Variants in MYO1H observed in about 807,000 individuals in gnomAD.
The protein encoded by MYO1H is myosin IH.
In MYO1H, 118 loss-of-function variants were observed where a neutral mutation model predicts 149.3. That is an observed-to-expected ratio of 0.79 (90% CI 0.68 to 0.92). The LOEUF (loss-of-function observed/expected upper bound fraction) is 0.92, where lower values mean the gene tolerates loss of function less well. MYO1H is among the 40% of genes least tolerant of loss of function. The pLI is 0.00. For missense variants in MYO1H, 1,212 were observed against 1,280.7 expected (o/e 0.95, Z 0.82); for synonymous variants, 447 against 465.2 (o/e 0.96, Z 0.50).
the MYO1H span, among the ~76,000 whole-genome samples, chr12:109,330,066 T>C: frequency 6.6e-6 from 1 of 152,196 alleles, no homozygotes; most frequent in Non-Finnish European, 1.5e-5. Context: ...GCAAAACTGG[T>C]GAAATCTCAA....
the MYO1H span, among the ~76,000 whole-genome samples, chr12:109,336,092 T>G: frequency 3.3e-5 from 5 of 151,096 alleles, no homozygotes; most frequent in African/African-American, 1.2e-4. Flanking sequence ...GCAATCCCAA[T>G]CCTCTTAATT....
chr12:109,320,046 G>GT, the MYO1H span, among the ~76,000 whole-genome samples: 5,385 of 152,266 alleles, frequency 0.035, 318 homozygotes, highest in African/African-American at 0.12. Context: ...AGGCATAGTG[G>GT]TTTATGCCTG....
chr12:109,324,207 A>G, the MYO1H span, among the ~76,000 whole-genome samples: 1 of 152,172 alleles, frequency 6.6e-6, no homozygotes, highest in East Asian at 1.9e-4. Context: ...CAGAATGCCT[A>G]CAGGTGGCCT....
chr12:109,310,982 A>G, the MYO1H span, among the ~76,000 whole-genome samples: 232 of 152,348 alleles, frequency 1.5e-3, no homozygotes, highest in African/African-American at 5.5e-3. Flanking sequence ...AATGACATAT[A>G]ATTAATTCAC....
chr12:109,407,910 C>A (rs758254814), exon 10 of MYO1H: 19 of 1,613,810 alleles, frequency 1.2e-5, no homozygotes, highest in Admixed American at 1.7e-5. Flanking sequence ...CCTTAGTTAA[C>A]AAGGTTGGTC....
chr12:109,393,422 AT>A lies in MYO1H; in HGVS notation c.269del (p.Phe90SerfsTer11). 6.3e-7 allele frequency: 1 copy of A among 1,583,284 alleles called. No homozygotes were observed. The highest frequency in any genetic ancestry group is 1.8e-5 in the Admixed American group (1 of 55,394). ...CAGATGGAACTTTATCAAGGGGTCA[AT>A]TTCTTTGAACTGCCACCACATGTGT... On this transcript the variant is annotated frameshift_variant, in exon 3 of 32. Transcript: ENST00000310903. LOFTEE classifies it high-confidence loss of function.
chr12:109,352,780 A>G (rs73190680), intron 1 of MYO1H, among the ~76,000 whole-genome samples: 5,009 of 152,294 alleles, frequency 0.033, 117 homozygotes, highest in Middle Eastern at 0.065. Context: ...AGACATCAGC[A>G]TACTTCCCCT....
At position 109,406,062 on chromosome 12, in the gene MYO1H, G is replaced by A. The variant is rs1368344830; in HGVS notation, c.963+27G>A. The A allele has an allele frequency of 4.0e-6, 6 of 1,513,548 alleles. No individual in the cohort carries two copies. The South Asian group carries it at 4.5e-5, about 11-fold the overall frequency. The allele number at this position is 1,513,548 out of a possible 1,614,324, so 93.8% of individuals were successfully genotyped here. A position where few individuals can be genotyped will look rare whatever the true frequency, so the allele number is the denominator to read the frequency against. On this transcript the variant is annotated intron_variant, in intron 8 of 31. Coordinates refer to ENST00000310903, the Ensembl canonical transcript of MYO1H. ...TGATGCTCCTCTTTTGGAGAGGACA[G>A]AAGGAGGGGGATGGGTGGGAGAGAA...
intron 1 of MYO1H, among the ~76,000 whole-genome samples, chr12:109,373,231 T>C (rs1286532168): frequency 2.0e-5 from 3 of 152,166 alleles, no homozygotes; most frequent in African/African-American, 4.8e-5. Context: ...CATTGGCCAG[T>C]ACTTCGAATT....
intron 20 of MYO1H, 134 bp from the exon 21 acceptor site, chr12:109,434,903 C>T (rs1162652358): frequency 6.6e-6 from 4 of 607,486 alleles, no homozygotes; most frequent in Admixed American, 6.3e-5. Context: ...TCAATCACAT[C>T]TGCAAACACT....
chr12:109,338,286 T>G, the MYO1H span, among the ~76,000 whole-genome samples: 2 of 152,116 alleles, frequency 1.3e-5, no homozygotes, highest in Non-Finnish European at 1.5e-5. Context: ...CTTTCAAGCA[T>G]TGTACTTTAA....
chr12:109,428,911 T>TA (rs1478259846), intron 19 of MYO1H, among the ~76,000 whole-genome samples: 1 of 152,126 alleles, frequency 6.6e-6, no homozygotes, highest in Non-Finnish European at 1.5e-5. Flanking sequence ...ATTCTTTCCA[T>TA]AAAATCTAGT....
chr12:109,361,128 G>C (rs1215904619), intron 1 of MYO1H, among the ~76,000 whole-genome samples: 1 of 152,112 alleles, frequency 6.6e-6, no homozygotes, highest in African/African-American at 2.4e-5. Context: ...TCTTTTCTTG[G>C]AAGGAAAATA....
intron 6 of MYO1H, 31 bp from the exon 7 acceptor site, chr12:109,403,951 A>C (rs1250432044): frequency 6.8e-7 from 1 of 1,479,082 alleles, no homozygotes; most frequent in African/African-American, 1.4e-5. Context: ...TATAAAAATG[A>C]CATTAAGTGA....
chr12:109,441,670 C>G (rs1257722091), exon 26 of MYO1H: 6 of 1,613,286 alleles, frequency 3.7e-6, no homozygotes, highest in Non-Finnish European at 3.4e-6. Context: ...GACGGCTACA[C>G]AGAAAGTTTA....
intron 1 of MYO1H, among the ~76,000 whole-genome samples, chr12:109,387,904 C>T (rs16940169): frequency 0.013 from 1,931 of 152,346 alleles, 25 homozygotes; most frequent in Non-Finnish European, 0.02. Flanking sequence ...TCCAGCAGCG[C>T]GGGTGCTCAG....
the MYO1H span, among the ~76,000 whole-genome samples, chr12:109,316,385 C>T: frequency 4.5e-3 from 685 of 152,260 alleles, 41 homozygotes; most frequent in East Asian, 0.1. Context: ...CAAAAAGCAG[C>T]GTGTTCACTC....
intron 19 of MYO1H, 44 bp downstream of exon 19, chr12:109,427,630 A>G (rs747011199): frequency 7.6e-7 from 1 of 1,313,648 alleles, no homozygotes; most frequent in Admixed American, 1.7e-5. Flanking sequence ...TCATGTGCCT[A>G]CTACATGAGA....
intron 1 of MYO1H, among the ~76,000 whole-genome samples, chr12:109,351,089 G>T (rs1390181588): frequency 6.6e-6 from 1 of 152,206 alleles, no homozygotes; most frequent in Non-Finnish European, 1.5e-5. Flanking sequence ...TTAGTAGGCA[G>T]GTTCACTAGA....
Sources: allele counts gnomAD v4.1 joint callset (sites outside exome capture counted in the v4.1 genomes callset), GRCh38; gene constraint gnomAD v4.1.1; transcripts MANE v1.5; gene names NCBI Gene and HGNC (gene_info 2026-07-23, HGNC 2026-07-21).